SAMD3: variants seen among roughly 807,000 people sequenced by gnomAD.
SAMD3 encodes the protein sterile alpha motif domain containing 3, also known as sterile alpha motif domain-containing protein 3.
SAMD3 carries 63 observed loss-of-function variants against 58.5 expected under a neutral mutation model. That is an observed-to-expected ratio of 1.08 (90% CI 0.88 to 1.33). SAMD3 has a LOEUF of 1.33. SAMD3 is among the 40% of genes most tolerant of loss of function. The probability of loss-of-function intolerance (pLI) is 0.00; values close to 1 mark genes in which losing one functional copy is unlikely to be tolerated. For synonymous variants in SAMD3, 220 were observed against 210.3 expected (o/e 1.05, Z -0.40); for missense variants, 604 against 608.4 (o/e 0.99, Z 0.08).
At chr6:130,311,624 A>G (rs1052299386) in intron 2 of SAMD3, among the ~76,000 whole-genome samples, 1 of 152,224 alleles carries the variant, frequency 6.6e-6, no homozygotes, top group South Asian at 2.1e-4. Flanking sequence ...AACAAGTTTA[A>G]GAGGCCAGTG....
rs1260918730 is a variant in SAMD3 at position 130,184,514 on chromosome 6, A to T, written c.493T>A (p.Cys165Ser). 1.2e-6 allele frequency: 2 copies of T among 1,614,216 alleles called. No individual in the cohort carries two copies. The highest frequency in any genetic ancestry group is 1.7e-5 in the Admixed American group (1 of 60,030). The change falls in exon 6 of 12, where the codon TGC (cysteine) becomes AGC (serine). Residue 165 changes from cysteine (C) to serine (S), a missense_variant. Transcript: ENST00000439090. ...DVKCMLAEQKCPDHSMRIRII... is the reference protein window; with the variant it reads ...DVKCMLAEQKSPDHSMRIRII... ...CTTATCCTCATGCTGTGATCCGGGC[A>T]CTTCTGCTCTGCTAACATGCATTTG...
At chr6:130,275,771 A>T (rs1774753068) in intron 2 of SAMD3, among the ~76,000 whole-genome samples, 2 of 152,024 alleles carry the variant, frequency 1.3e-5, no homozygotes, top group South Asian at 4.2e-4. Flanking sequence ...TGTATATCAT[A>T]TTCTTTTTAT....
chr6:130,176,930 C>G (rs1034516533), intron 7 of SAMD3, among the ~76,000 whole-genome samples: 3 of 151,992 alleles, frequency 2.0e-5, no homozygotes, highest in African/African-American at 2.4e-5. Context: ...GAGAGAGGAG[C>G]CAGCCCAATC....
intron 1 of SAMD3, among the ~76,000 whole-genome samples, chr6:130,336,192 G>A (rs1278322613): frequency 1.3e-5 from 2 of 152,026 alleles, no homozygotes; most frequent in African/African-American, 4.8e-5. Flanking sequence ...TAAAAATTTA[G>A]TAATACAATG....
At chr6:130,332,789 G>A (rs954815748) in intron 1 of SAMD3, among the ~76,000 whole-genome samples, 4 of 152,172 alleles carry the variant, frequency 2.6e-5, no homozygotes, top group African/African-American at 7.2e-5. Flanking sequence ...TAGGTCCCGA[G>A]AGGCTGTTTG....
chr6:130,279,777 G>T (rs1265273201), intron 2 of SAMD3, among the ~76,000 whole-genome samples: 3 of 152,118 alleles, frequency 2.0e-5, no homozygotes, highest in African/African-American at 7.2e-5. Flanking sequence ...GAGCCACTGT[G>T]CCTGGCCTAA....
At chr6:130,246,386 A>G (rs560927170) in intron 2 of SAMD3, among the ~76,000 whole-genome samples, 6 of 152,354 alleles carry the variant, frequency 3.9e-5, no homozygotes, top group East Asian at 1.9e-4. Context: ...CAAAAGAGGA[A>G]TTATTTCAAA....
Position 130,144,433 on chromosome 6 carries a change from C to A in SAMD3, c.*87G>T. The A allele has an allele frequency of 1.6e-6, 2 of 1,286,902 alleles. No individual in the cohort carries two copies. The highest frequency in any genetic ancestry group is 4.5e-5 in the Admixed American group (2 of 44,278). 79.7% of individuals were successfully genotyped at this position (1,286,902 alleles called of 1,614,324 possible). A position where few individuals can be genotyped will look rare whatever the true frequency, so the allele number is the denominator to read the frequency against. ...ATACAAGATGATTTTCTCATACCTA[C>A]CTCTACCACAACCCTAAATCAAAAC... On this transcript the variant is annotated 3_prime_UTR_variant, in exon 12 of 12. Coordinates refer to ENST00000439090, the MANE Select transcript of SAMD3 (RefSeq NM_001017373.4).
chr6:130,187,828 C>T (rs187037247), intron 5 of SAMD3, among the ~76,000 whole-genome samples: 2 of 152,248 alleles, frequency 1.3e-5, no homozygotes, highest in Admixed American at 6.5e-5. Flanking sequence ...CCAGGCTCTT[C>T]GACAAAATCA....
chr6:130,294,548 A>G (rs2114967442), intron 2 of SAMD3, among the ~76,000 whole-genome samples: 1 of 152,310 alleles, frequency 6.6e-6, no homozygotes, highest in African/African-American at 2.4e-5. Context: ...TTCAACTGAA[A>G]AAGATCTTAA....
In SAMD3 at chr6:130,162,842, G is replaced by A. The variant is rs556440580; in HGVS notation, c.823-7817C>T. ...TTACCCAAGGGGTGTATTTGTCTGA[G>A]CTGTCCAGTATGGTAGCCACTAGCC... On this transcript the variant is annotated intron_variant, in intron 8 of 11. Transcript: ENST00000439090. Among the ~76,000 whole-genome samples the A allele has an allele frequency of 3.0e-3, 460 of 152,308 alleles. 2 individuals carry two copies. The highest frequency in any genetic ancestry group is 4.1e-3 in the Non-Finnish European group (282 of 68,018).
chr6:130,346,773 A>T (rs1777467547), intron 1 of SAMD3, among the ~76,000 whole-genome samples: 1 of 152,172 alleles, frequency 6.6e-6, no homozygotes, highest in South Asian at 2.1e-4. Flanking sequence ...GAACGGACAG[A>T]CTGTCTCCTC....
chr6:130,244,792 A>C (rs1282940847), intron 2 of SAMD3, among the ~76,000 whole-genome samples: 1 of 151,920 alleles, frequency 6.6e-6, no homozygotes, highest in Non-Finnish European at 1.5e-5. Flanking sequence ...AATAAAGCAC[A>C]ATAGTGTGCA....
intron 2 of SAMD3, among the ~76,000 whole-genome samples, chr6:130,254,571 T>C (rs1029089985): frequency 3.3e-5 from 5 of 152,122 alleles, no homozygotes; most frequent in African/African-American, 1.2e-4. Context: ...TCAAGCAATC[T>C]GCCTGCCTTG....
intron 2 of SAMD3, among the ~76,000 whole-genome samples, chr6:130,262,103 G>A (rs111495202): frequency 0.013 from 2,028 of 152,100 alleles, 41 homozygotes; most frequent in African/African-American, 0.046. Context: ...AAAAGCCAAG[G>A]TAAATTTAAA....
chr6:130,242,873 A>G (rs1773411454), intron 2 of SAMD3, among the ~76,000 whole-genome samples: 1 of 152,190 alleles, frequency 6.6e-6, no homozygotes, highest in African/African-American at 2.4e-5. Flanking sequence ...TGATAGCTGG[A>G]GTCAGGCACT....
intron 2 of SAMD3, among the ~76,000 whole-genome samples, chr6:130,284,522 A>G (rs569795001): frequency 3.3e-5 from 5 of 152,298 alleles, no homozygotes; most frequent in Admixed American, 2.6e-4. Flanking sequence ...ATATAAATCC[A>G]AATATTTCAG....
chr6:130,204,492 G>C (rs1794906633), intron 5 of SAMD3, among the ~76,000 whole-genome samples: 1 of 151,810 alleles, frequency 6.6e-6, no homozygotes, highest in Non-Finnish European at 1.5e-5. Flanking sequence ...CTGCAGTGAG[G>C]ATACTGAGGT....
chr6:130,227,111 C>A (rs1796401981), upstream of SAMD3, among the ~76,000 whole-genome samples: 1 of 152,192 alleles, frequency 6.6e-6, no homozygotes, highest in South Asian at 2.1e-4. Context: ...ACCCATGGAA[C>A]AATAACTCCC....
Sources: gnomAD v4.1 joint callset for allele counts (sites outside exome capture counted in the v4.1 genomes callset) on GRCh38, gnomAD v4.1.1 for gene constraint, MANE v1.5 for transcripts, NCBI Gene and HGNC (gene_info 2026-07-23, HGNC 2026-07-21) for gene names.